Variants in SCGN observed in about 807,000 individuals in gnomAD.
SCGN encodes the protein secretagogin, EF-hand calcium binding protein.
Under a neutral mutation model 39.7 loss-of-function variants are expected in SCGN, and 30 were observed. The observed-to-expected ratio is 0.76, with a 90% CI of 0.57 to 1.03. SCGN has a LOEUF of 1.03. Among genes scored for constraint, SCGN ranks in the 50% least tolerant of loss-of-function variants. The pLI is 0.00. For synonymous variants in SCGN, 106 were observed against 114.1 expected, an observed-to-expected ratio of 0.93 and a Z score of 0.45; for missense variants, 353 against 349.4, an observed-to-expected ratio of 1.01 and a Z score of -0.08.
At chr6:25,663,802 A>T (rs1261271471) in intron 3 of SCGN, among the ~76,000 whole-genome samples, 1 of 152,216 alleles carries the variant, frequency 6.6e-6, no homozygotes, top group African/African-American at 2.4e-5. Context: ...GCCATGTAGC[A>T]GGCACTCAAC....
At chr6:25,667,396 A>G (rs1339688645) in intron 4 of SCGN, among the ~76,000 whole-genome samples, 1 of 152,220 alleles carries the variant, frequency 6.6e-6, no homozygotes, top group East Asian at 1.9e-4. Context: ...TTTAAAATTA[A>G]CTGTCTTATA....
intron 2 of SCGN, among the ~76,000 whole-genome samples, chr6:25,660,764 C>G (rs957434637): frequency 5.9e-5 from 9 of 152,216 alleles, no homozygotes; most frequent in African/African-American, 2.2e-4. Context: ...AGGATTACCT[C>G]TTCTCAGCCC....
At chr6:25,658,196 C>T (rs768430461) in intron 2 of SCGN, among the ~76,000 whole-genome samples, 7 of 151,188 alleles carry the variant, frequency 4.6e-5, no homozygotes, top group South Asian at 2.1e-4. Flanking sequence ...CGTGCCACCA[C>T]GGATGGCTAA....
At chr6:25,658,439 T>C (rs1760267030) in intron 2 of SCGN, among the ~76,000 whole-genome samples, 1 of 152,052 alleles carries the variant, frequency 6.6e-6, no homozygotes, top group Non-Finnish European at 1.5e-5. Context: ...ACTGTCTAAG[T>C]CCTCTTATTT....
intron 2 of SCGN, among the ~76,000 whole-genome samples, chr6:25,655,205 T>C (rs1262997524): frequency 2.6e-5 from 4 of 152,234 alleles, no homozygotes; most frequent in Non-Finnish European, 5.9e-5. Flanking sequence ...CTCCTAAAAA[T>C]CTGTCCTCAG....
At chr6:25,674,023 A>C (rs1242554786) in intron 6 of SCGN, among the ~76,000 whole-genome samples, 4 of 152,192 alleles carry the variant, frequency 2.6e-5, no homozygotes, top group Non-Finnish European at 5.9e-5. Flanking sequence ...AAACAACCAG[A>C]TGTTGGGAGA....
At chr6:25,690,055 T>A (rs900464882) in intron 9 of SCGN, among the ~76,000 whole-genome samples, 8 of 152,200 alleles carry the variant, frequency 5.3e-5, no homozygotes, top group Non-Finnish European at 1.0e-4. Context: ...GAAAAAATGT[T>A]GGGAAAGGTT....
At chr6:25,669,870 T>C (rs1759472063) in intron 5 of SCGN, 129 bp from the exon 6 acceptor site, 1 of 817,832 alleles carries the variant, frequency 1.2e-6, no homozygotes, top group Non-Finnish European at 2.1e-6. Context: ...CTTGGATTTA[T>C]TGCTTGCTAA....
intron 10 of SCGN, among the ~76,000 whole-genome samples, chr6:25,700,781 T>C (rs1759901827): frequency 6.6e-6 from 1 of 152,110 alleles, no homozygotes; most frequent in Admixed American, 6.5e-5. Context: ...TGTTTTAAAT[T>C]TACATTCAGT....
intron 10 of SCGN, among the ~76,000 whole-genome samples, chr6:25,696,377 T>C (rs758784489): frequency 4.6e-5 from 7 of 151,912 alleles, no homozygotes; most frequent in Non-Finnish European, 1.0e-4. Context: ...TATCATAGTA[T>C]ATTATTTATA....
At chr6:25,695,890 T>A (rs546393010) in intron 10 of SCGN, among the ~76,000 whole-genome samples, 2 of 152,238 alleles carry the variant, frequency 1.3e-5, no homozygotes, top group South Asian at 4.2e-4. Context: ...AACACAAGAA[T>A]CTACAGCTTA....
rs550814284 is a variant in SCGN at position 25,662,722 on chromosome 6, C to T, written c.246+1078C>T. On this transcript the variant is annotated intron_variant, in intron 3 of 10. Coordinates refer to ENST00000377961, the MANE Select transcript of SCGN (RefSeq NM_006998.4). ...CTAAACTCTAGATTTATGAGTGTAGCTGTTTCCAAACTTTTAATCAAAGGC... is the reference window on the plus strand; with the variant it reads ...CTAAACTCTAGATTTATGAGTGTAGTTGTTTCCAAACTTTTAATCAAAGGC... Among the ~76,000 whole-genome samples, 14 of 152,322 alleles carry T rather than the reference C, an allele frequency of 9.2e-5. No individual in the cohort carries two copies. The South Asian group carries it at 2.3e-3, about 25-fold the overall frequency.
rs1358417590 is a variant in SCGN at position 25,652,741 on chromosome 6, A to G, written c.82+256A>G. ...CTCTTTGTGTGCGAGCGCGCCATAT[A>G]TATGGTAGACATACATATATATTGT... On this transcript the variant is annotated intron_variant, in intron 1 of 10. Transcript: ENST00000377961. 2.0e-5 allele frequency among the ~76,000 whole-genome samples: 3 copies of G among 152,290 alleles called. No individual in the cohort carries two copies. In the East Asian group the frequency reaches 5.8e-4, roughly 29 times the overall value.
chr6:25,700,055 G>A (rs146068348), intron 10 of SCGN, among the ~76,000 whole-genome samples: 223 of 152,060 alleles, frequency 1.5e-3, no homozygotes, highest in African/African-American at 5.2e-3. Context: ...AGACCAGCCT[G>A]GCCAACAGGA....
chr6:25,695,815 G>A (rs1357509059), intron 10 of SCGN, among the ~76,000 whole-genome samples: 1 of 152,204 alleles, frequency 6.6e-6, no homozygotes, highest in African/African-American at 2.4e-5. Context: ...GCAGGCATGA[G>A]CCACTCTGCC....
chr6:25,696,707 C>T (rs1206641232), intron 10 of SCGN, among the ~76,000 whole-genome samples: 1 of 152,202 alleles, frequency 6.6e-6, no homozygotes, highest in Non-Finnish European at 1.5e-5. Flanking sequence ...CCATTTCCTT[C>T]TTCAACGTCC....
rs1459314549 is a variant in SCGN at position 25,653,435 on chromosome 6, A to G, written c.136A>G (p.Met46Val). The change falls in exon 2 of 11, where the codon ATG becomes GTG. Residue 46 changes from methionine (M) to valine (V), a missense_variant. Physicochemically the swap from Met to Val is conservative, Grantham distance 21 (BLOSUM62 1). Transcript: ENST00000377961. ...CGATGCTTTCTTTCTCCACATGTTG[A>G]TGAAACTGGGTACTGATGTAAGTAC... ...ELDAFFLHMLMKLGTDDTVMK... is the reference protein window; with the variant it reads ...ELDAFFLHMLVKLGTDDTVMK... 1.2e-6 allele frequency: 2 copies of G among 1,612,900 alleles called. No homozygotes were observed. Among genetic ancestry groups the G allele is most frequent in the African/African-American group, 2.7e-5 (2 of 74,916 alleles).
intron 6 of SCGN, among the ~76,000 whole-genome samples, chr6:25,676,873 A>G (rs1363195033): frequency 6.6e-6 from 1 of 152,210 alleles, no homozygotes; most frequent in African/African-American, 2.4e-5. Flanking sequence ...TAGGCACTCT[A>G]TACATATTTG....
At chr6:25,688,714 A>C (rs374557530) in intron 7 of SCGN, among the ~76,000 whole-genome samples, 1 of 148,592 alleles carries the variant, frequency 6.7e-6, no homozygotes, top group Admixed American at 6.9e-5. Flanking sequence ...AGGCAGGAGA[A>C]TGGTGTGAAC....
Sources: allele counts gnomAD v4.1 joint callset (sites outside exome capture counted in the v4.1 genomes callset), GRCh38; gene constraint gnomAD v4.1.1; transcripts MANE v1.5; gene names NCBI Gene and HGNC (gene_info 2026-07-23, HGNC 2026-07-21).